GNL1: variants seen among roughly 807,000 people sequenced by gnomAD.
GNL1 encodes guanine nucleotide-binding protein-like 1.
Under a neutral mutation model 75.2 loss-of-function variants are expected in GNL1, and 21 were observed. The ratio of observed to expected loss-of-function variants is 0.28; its 90% CI spans 0.20 to 0.40. GNL1 has a LOEUF of 0.40. GNL1 is among the 10% of genes least tolerant of loss of function. The pLI is 1.00. For synonymous variants in GNL1, 287 were observed against 303.4 expected, an observed-to-expected ratio of 0.95 and a Z score of 0.56; for missense variants, 579 against 775.0, an observed-to-expected ratio of 0.75 and a Z score of 3.00.
intron 5 of GNL1, among the ~76,000 whole-genome samples, chr6:30,553,847 A>G (rs946629483): frequency 1.3e-5 from 2 of 152,244 alleles, no homozygotes; most frequent in Non-Finnish European, 2.9e-5. Flanking sequence ...GGGATCGGAA[A>G]CAGGGATGGG....
In GNL1 at chr6:30,554,744, T is replaced by C. The variant is rs1293191614; in HGVS notation, c.528+20A>G. 1 of 1,612,224 alleles carries C rather than the reference T, an allele frequency of 6.2e-7. No homozygotes were observed. Among genetic ancestry groups the C allele is most frequent in the East Asian group, 2.2e-5 (1 of 44,886 alleles). The stretch of plus-strand genomic sequence containing the variant: ...CATAGGTCACTATGCCCCACTCCTG[T>C]CCCTAGAGTACACTGTCACCTCCAG... On this transcript the variant is annotated intron_variant, in intron 4 of 11. Coordinates refer to ENST00000376621, the MANE Select transcript of GNL1 (RefSeq NM_005275.5).
In GNL1 at chr6:30,555,183, A is replaced by C; in HGVS notation, c.248T>G (p.Leu83Arg). 6.2e-7 allele frequency: 1 copy of C among 1,612,932 alleles called. No individual in the cohort carries two copies. Among genetic ancestry groups the C allele is most frequent in the Non-Finnish European group, 8.5e-7 (1 of 1,180,008 alleles). Residue 83 changes from leucine to arginine, a missense_variant, in exon 3 of 12, where the codon CTG (leucine) becomes CGG (arginine). Transcript: ENST00000376621. This position sits in a 1 kb window ranked among gnomAD's most constrained non-coding sequence, Gnocchi z 4.3. Reference protein sequence around the residue: ...PRGYDPNRYRLHFERDSREEV... With the variant: ...PRGYDPNRYRRHFERDSREEV... ...CTCCCTGCTGTCTCTCTCAAAATGC[A>C]GTCGGTATCTAAGGGAACAGGGACC...
chr6:30,554,645 G>A lies in GNL1; in HGVS notation c.530C>T (p.Thr177Ile). Reference sequence around the variant, plus strand: ...TAACACCCGCCACAGCTGCCTCCATGTCTAAAAAGACAGGATCAGGAAGAG... The same window carrying A: ...TAACACCCGCCACAGCTGCCTCCATATCTAAAAAGACAGGATCAGGAAGAG... Reference protein sequence around the residue: ...KLSYFEHNLETWRQLWRVLEM... With the variant: ...KLSYFEHNLEIWRQLWRVLEM... Residue 177 changes from threonine to isoleucine, a missense_variant and splice_region_variant, in exon 5 of 12, where the codon ACA becomes ATA. By Grantham distance (89) the Thr-to-Ile change is moderately conservative. Transcript: ENST00000376621. 2 of 1,606,418 alleles carry A rather than the reference G, an allele frequency of 1.2e-6. No homozygotes were observed. Among genetic ancestry groups the A allele is most frequent in the Non-Finnish European group, 1.7e-6 (2 of 1,174,020 alleles).
In GNL1 at chr6:30,556,065, GCACACCCCTC is replaced by G. The variant is rs2127382817; in HGVS notation, c.73+56_73+65del. ...CCCACGATCCCCAGAGGTGCAGCGG[GCACACCCCTC>G]CTTCCAGATGTGCGGAAGCCCGAGC... On this transcript the variant is annotated intron_variant, in intron 1 of 11. Transcript: ENST00000376621. The surrounding 1 kb of genome is among the most constrained non-coding windows in gnomAD (Gnocchi z 5.7). The G allele has an allele frequency of 6.4e-7, 1 of 1,565,440 alleles. No homozygotes were observed. The highest frequency in any genetic ancestry group is 1.7e-5 in the Admixed American group (1 of 59,848).
chr6:30,554,698 C>G, intron 4 of GNL1, 52 bp from the exon 5 acceptor site: 1 of 1,598,006 alleles, frequency 6.3e-7, no homozygotes, highest in Non-Finnish European at 8.6e-7. Context: ...CCTCTCCAGC[C>G]TGATCCCAAA....
At chr6:30,554,073 A>G (rs940884634) in intron 5 of GNL1, among the ~76,000 whole-genome samples, 2 of 152,192 alleles carry the variant, frequency 1.3e-5, no homozygotes, top group Admixed American at 6.5e-5. Context: ...CCTCCAACCT[A>G]AATGGTCCTC....
Position 30,543,308 on chromosome 6 carries a change from CCACAGGATCCTGTACCACCCTTCT to C in GNL1, c.*2740_*2763del, listed in dbSNP as rs959075476. The C allele has an allele frequency of 6.6e-6, 1 of 152,256 alleles. No individual in the cohort carries two copies. The highest frequency in any genetic ancestry group is 2.4e-5 in the African/African-American group (1 of 41,424). 9.4% of individuals were successfully genotyped at this position (152,256 alleles called of 1,614,324 possible). On this transcript the variant is annotated 3_prime_UTR_variant, in exon 12 of 12. Transcript: ENST00000376621. ...CCTCCTATATGGAGCCACCACTACC[CCACAGGATCCTGTACCACCCTTCT>C]CCCAGAACTTATCACACTTTTTTTT... is the stretch of plus-strand genomic sequence containing the variant.
Position 30,548,137 on chromosome 6 carries a change from T to C in GNL1, c.1100-607A>G, listed in dbSNP as rs529573273. ...GTTGCAGTGAGCTGAGATTGCACCA[T>C]TGCACTCCAGCCTGGGCAATAAGAG... On this transcript the variant is annotated intron_variant, in intron 8 of 11. Transcript: ENST00000376621. This position sits in a 1 kb window ranked among gnomAD's most constrained non-coding sequence, Gnocchi z 4.2. Among the ~76,000 whole-genome samples the C allele has an allele frequency of 5.9e-4, 89 of 152,046 alleles. No individual in the cohort carries two copies. The highest frequency in any genetic ancestry group is 2.0e-3 in the African/African-American group (83 of 41,460).
At position 30,546,805 on chromosome 6, in the gene GNL1, G is replaced by A; in HGVS notation, c.1473C>T (p.Ala491=). The A allele has an allele frequency of 6.3e-7, 1 of 1,593,442 alleles. No homozygotes were observed. The highest frequency in any genetic ancestry group is 2.3e-5 in the East Asian group (1 of 44,310). The change falls in exon 11 of 12, where the codon GCC becomes GCT. Residue 491 remains alanine, a synonymous_variant. Transcript: ENST00000376621. The surrounding 1 kb of genome is among the most constrained non-coding windows in gnomAD (Gnocchi z 5.1). ...AWAEKRGYKT[A]KAARNDVYRA... is the part of the protein sequence containing the mutation. ...TGTACACATCATTCCGAGCCGCCTT[G>A]GCTGTCTTGTAACCACGTTTCTCTG... is the stretch of plus-strand genomic sequence containing the variant.
chr6:30,555,936 C>A lies in GNL1; in HGVS notation c.73+195G>T, dbSNP rs1800142398. 2 of 816,108 alleles carry A rather than the reference C, an allele frequency of 2.5e-6. No homozygotes were observed. Among genetic ancestry groups the A allele is most frequent in the Admixed American group, 2.4e-5 (1 of 41,252 alleles). 50.6% of individuals were successfully genotyped at this position (816,108 alleles called of 1,614,324 possible). A position where few individuals can be genotyped will look rare whatever the true frequency, so the allele number is the denominator to read the frequency against. On this transcript the variant is annotated intron_variant, in intron 1 of 11. Transcript: ENST00000376621. The surrounding 1 kb of genome is among the most constrained non-coding windows in gnomAD (Gnocchi z 4.3). The stretch of plus-strand genomic sequence containing the variant: ...GCCCCGTGCTAGCTGGAGGGATTCC[C>A]CTCCCCCAACTCTCCATCCTTCCCC...
In GNL1 at chr6:30,556,062, C is replaced by A; in HGVS notation, c.73+69G>T. ...CCTCCCACGATCCCCAGAGGTGCAG[C>A]GGGCACACCCCTCCTTCCAGATGTG... is the stretch of plus-strand genomic sequence containing the variant. On this transcript the variant is annotated intron_variant, in intron 1 of 11. Transcript: ENST00000376621. The surrounding 1 kb of genome is among the most constrained non-coding windows in gnomAD (Gnocchi z 5.7). 2 of 1,561,816 alleles carry A rather than the reference C, an allele frequency of 1.3e-6. No homozygotes were observed.
chr6:30,548,265 CCAG>C lies in GNL1; in HGVS notation c.1100-738_1100-736del, dbSNP rs1245876117. ...CTGCCACTCTGCTCACTCACCACCA[CCAG>C]TTTTTGTGTTTCTGGCTGACTTCAG... is the stretch of plus-strand genomic sequence containing the variant. On this transcript the variant is annotated intron_variant, in intron 8 of 11. Transcript: ENST00000376621. This position sits in a 1 kb window ranked among gnomAD's most constrained non-coding sequence, Gnocchi z 4.2. 6.6e-6 allele frequency among the ~76,000 whole-genome samples: 1 copy of C among 152,120 alleles called. No individual in the cohort carries two copies. Among genetic ancestry groups the C allele is most frequent in the Non-Finnish European group, 1.5e-5 (1 of 68,024 alleles).
rs761973953 is a variant in GNL1 at position 30,554,919 on chromosome 6, G to C, written c.377-4C>G. The stretch of plus-strand genomic sequence containing the variant: ...GGACGTCGAGGAAAGTCCAGAACTG[G>C]GAATTCAGGAAAAAGTCCAAGTGTG... On this transcript the variant is annotated splice_region_variant and splice_polypyrimidine_tract_variant and intron_variant, in intron 3 of 11. Coordinates refer to ENST00000376621, the MANE Select transcript of GNL1 (RefSeq NM_005275.5). The C allele has an allele frequency of 1.2e-6, 2 of 1,612,566 alleles. No homozygotes were observed. The highest frequency in any genetic ancestry group is 2.7e-5 in the African/African-American group (2 of 74,864).
At chr6:30,550,989 C>G (rs1799743360) in intron 8 of GNL1, among the ~76,000 whole-genome samples, 1 of 152,188 alleles carries the variant, frequency 6.6e-6, no homozygotes, top group African/African-American at 2.4e-5. Context: ...TTCACTGCCC[C>G]TACATGATTT....
At chr6:30,549,149 C>T (rs1799620597) in intron 8 of GNL1, among the ~76,000 whole-genome samples, 1 of 152,048 alleles carries the variant, frequency 6.6e-6, no homozygotes, top group Non-Finnish European at 1.5e-5. Context: ...AGGCGTGCGG[C>T]TCCACACCTG....
At position 30,546,913 on chromosome 6, in the gene GNL1, C is replaced by A; in HGVS notation, c.1442-77G>T. The A allele has an allele frequency of 7.6e-7, 1 of 1,322,008 alleles. No homozygotes were observed. Among genetic ancestry groups the A allele is most frequent in the South Asian group, 1.3e-5 (1 of 77,712 alleles). 81.9% of individuals were successfully genotyped at this position (1,322,008 alleles called of 1,614,324 possible). On this transcript the variant is annotated intron_variant, in intron 10 of 11. Coordinates refer to ENST00000376621, the MANE Select transcript of GNL1 (RefSeq NM_005275.5). This position sits in a 1 kb window ranked among gnomAD's most constrained non-coding sequence, Gnocchi z 5.1. Reference sequence around the variant, plus strand: ...TATACTCCCACTCCCATAACACAGTCCTTCCAGTTTTCCCCAAAACATTCC... The same window carrying A: ...TATACTCCCACTCCCATAACACAGTACTTCCAGTTTTCCCCAAAACATTCC...
intron 8 of GNL1, among the ~76,000 whole-genome samples, chr6:30,551,381 A>C (rs1032765920): frequency 6.6e-6 from 1 of 152,180 alleles, no homozygotes; most frequent in African/African-American, 2.4e-5. Context: ...GACAAAAAGG[A>C]CACAGAGATA....
Position 30,556,261 on chromosome 6 carries a change from GC to G in GNL1, c.-59del. On this transcript the variant is annotated 5_prime_UTR_variant, in exon 1 of 12. Transcript: ENST00000376621. This position sits in a 1 kb window ranked among gnomAD's most constrained non-coding sequence, Gnocchi z 5.7. The stretch of plus-strand genomic sequence containing the variant: ...CGAGCTCCCGCCGCCTCAACTGACT[GC>G]CCCCCGGGGCAGCCCCCGCCGCAGG... The G allele has an allele frequency of 6.5e-7, 1 of 1,543,762 alleles. No individual in the cohort carries two copies. The highest frequency in any genetic ancestry group is 8.7e-7 in the Non-Finnish European group (1 of 1,150,856).
At chr6:30,550,224 T>TTACCC (rs1799689304) in intron 8 of GNL1, among the ~76,000 whole-genome samples, 1 of 152,194 alleles carries the variant, frequency 6.6e-6, no homozygotes, top group African/African-American at 2.4e-5. Flanking sequence ...TCCCCTAAGC[T>TTACCC]GCTGACTACT....
Sources: gnomAD v4.1 joint callset for allele counts (sites outside exome capture counted in the v4.1 genomes callset) on GRCh38, gnomAD v4.1.1 for gene constraint, Gnocchi (gnomAD v3.1) non-coding constraint, MANE v1.5 for transcripts, NCBI Gene and HGNC (gene_info 2026-07-23, HGNC 2026-07-21) for gene names.